GRM1: variants seen among roughly 807,000 people sequenced by gnomAD.
GRM1 encodes the protein metabotropic glutamate receptor 1.
GRM1 carries 33 observed loss-of-function variants against 90.9 expected under a neutral mutation model. The ratio of observed to expected loss-of-function variants is 0.36; its 90% CI spans 0.28 to 0.49. The LOEUF (loss-of-function observed/expected upper bound fraction) is 0.49, where lower values mean the gene tolerates loss of function less well. Among genes scored for constraint, GRM1 ranks in the 20% least tolerant of loss-of-function variants. The pLI is 0.99. For missense variants in GRM1, 1,190 were observed against 1,534.3 expected (o/e 0.78, Z 3.75); for synonymous variants, 700 against 613.2 (o/e 1.14, Z -2.09).
intron 1 of GRM1, among the ~76,000 whole-genome samples, chr6:146,039,167 T>G (rs371931156): frequency 6.6e-6 from 1 of 151,990 alleles, no homozygotes; most frequent in Non-Finnish European, 1.5e-5. Context: ...TCAGTTTTGC[T>G]AAGTGCAACC....
rs772082161 is a variant in GRM1, at chr6:146,332,957, G to A, written c.1187-19293G>A. Among the ~76,000 whole-genome samples, 203 of 152,076 alleles carry A rather than the reference G, an allele frequency of 1.3e-3. 5 individuals carry two copies. Among genetic ancestry groups the A allele is most frequent in the Non-Finnish European group, 7.6e-4 (52 of 68,012 alleles). On this transcript the variant is annotated intron_variant, in intron 3 of 7. Coordinates refer to ENST00000282753, the MANE Select transcript of GRM1 (RefSeq NM_001278064.2). ...TATCATGGATTGCCTCTTAACATGA[G>A]TACTGAGTATTTTCCCCCATCCCTG...
intron 5 of GRM1, among the ~76,000 whole-genome samples, chr6:146,384,746 G>T (rs959043402): frequency 5.3e-5 from 8 of 151,658 alleles, no homozygotes; most frequent in Non-Finnish European, 1.5e-5. Context: ...GGATAAATAC[G>T]TGCTAAAAGA....
intron 2 of GRM1, among the ~76,000 whole-genome samples, chr6:146,210,712 C>G (rs1039034351): frequency 6.6e-6 from 1 of 152,094 alleles, no homozygotes; most frequent in Admixed American, 6.5e-5. Flanking sequence ...CCAATGTTAG[C>G]AAAAGTATTT....
intron 1 of GRM1, among the ~76,000 whole-genome samples, chr6:146,142,363 C>T (rs74678069): frequency 0.039 from 6,010 of 152,264 alleles, 167 homozygotes; most frequent in Non-Finnish European, 0.061. Context: ...CTGAAGCTAG[C>T]ACAGCAGTGT....
At chr6:146,306,541 GT>G (rs1312473281) in intron 3 of GRM1, among the ~76,000 whole-genome samples, 5 of 152,104 alleles carry the variant, frequency 3.3e-5, no homozygotes, top group African/African-American at 1.2e-4. Context: ...TAATATCTTT[GT>G]AGTCAAAGCA....
rs1554260527 is a variant in GRM1 at position 146,043,796 on chromosome 6, T to TATATATATATATATATATATATATAG, written c.700+13594_700+13595insTATATATATAGATATATATATATATA. Among the ~76,000 whole-genome samples the TATATATATATATATATATATATATAG allele has an allele frequency of 1.5e-3, 204 of 137,900 alleles. 1 individual carries two copies. The highest frequency in any genetic ancestry group is 4.9e-3 in the African/African-American group (186 of 38,306). The allele number at this position is 137,900 out of a possible 152,430, so 90.5% of individuals were successfully genotyped here. A position where few individuals can be genotyped will look rare whatever the true frequency, so the allele number is the denominator to read the frequency against. On this transcript the variant is annotated intron_variant, in intron 1 of 7. Coordinates refer to ENST00000282753, the MANE Select transcript of GRM1 (RefSeq NM_001278064.2). Reference sequence around the variant, plus strand: ...AAGAGTCAGGTGATATATATATATATATATATATATATATAAAGGGAAGTG... The same window carrying TATATATATATATATATATATATATAG: ...AAGAGTCAGGTGATATATATATATATATATATATATATATATATATATATAGATATATATATATATAAAGGGAAGTG...
intron 3 of GRM1, among the ~76,000 whole-genome samples, chr6:146,306,649 A>G (rs938405513): frequency 1.3e-5 from 2 of 152,114 alleles, no homozygotes; most frequent in African/African-American, 4.8e-5. Context: ...ATTTTCATTC[A>G]GGGTAGGGAG....
intron 2 of GRM1, among the ~76,000 whole-genome samples, chr6:146,295,548 C>T (rs1426794384): frequency 1.3e-5 from 2 of 152,086 alleles, no homozygotes; most frequent in African/African-American, 4.8e-5. Flanking sequence ...TTTCTTTTAA[C>T]TATTCCATAT....
intron 7 of GRM1, chr6:146,426,756 T>C (rs1778226409): frequency 3.1e-6 from 2 of 643,548 alleles, no homozygotes; most frequent in East Asian, 5.5e-5. Flanking sequence ...GAATGAAGAA[T>C]TCATTTACGT....
At chr6:146,184,420 T>C (rs879750723) in intron 2 of GRM1, among the ~76,000 whole-genome samples, 2 of 152,134 alleles carry the variant, frequency 1.3e-5, no homozygotes, top group Non-Finnish European at 2.9e-5. Flanking sequence ...TTGTGGCTGA[T>C]AAGTTTTTTC....
At chr6:146,423,985 AC>A (rs2114667825) in intron 7 of GRM1, among the ~76,000 whole-genome samples, 1 of 152,274 alleles carries the variant, frequency 6.6e-6, no homozygotes, top group South Asian at 2.1e-4. Context: ...CCCACCAGAC[AC>A]GGCCATCCCC....
At chr6:146,414,565 G>A (rs530134394) in intron 7 of GRM1, among the ~76,000 whole-genome samples, 6 of 151,942 alleles carry the variant, frequency 3.9e-5, no homozygotes, top group Non-Finnish European at 8.8e-5. Context: ...ACCACGCCTG[G>A]CTAATTTTTT....
At chr6:146,360,893 A>G (rs1034087613) in intron 5 of GRM1, among the ~76,000 whole-genome samples, 2 of 152,216 alleles carry the variant, frequency 1.3e-5, no homozygotes, top group East Asian at 1.9e-4. Flanking sequence ...ACAAGGTGAC[A>G]TGTTATTGAG....
At chr6:146,242,864 T>C (rs1414708512) in intron 2 of GRM1, among the ~76,000 whole-genome samples, 1 of 152,182 alleles carries the variant, frequency 6.6e-6, no homozygotes, top group African/African-American at 2.4e-5. Flanking sequence ...CCATCTGAGA[T>C]ATAGAAATTG....
At chr6:146,165,847 A>G (rs1334274884) in intron 2 of GRM1, among the ~76,000 whole-genome samples, 3 of 152,140 alleles carry the variant, frequency 2.0e-5, no homozygotes, top group Non-Finnish European at 2.9e-5. Flanking sequence ...GGATTTCCAT[A>G]ACAACTGAGG....
At chr6:146,164,494 C>G (rs1345382627) in intron 2 of GRM1, among the ~76,000 whole-genome samples, 1 of 152,014 alleles carries the variant, frequency 6.6e-6, no homozygotes, top group African/African-American at 2.4e-5. Flanking sequence ...TTATGTGACC[C>G]CTGATTTCCC....
intron 1 of GRM1, among the ~76,000 whole-genome samples, chr6:146,113,501 A>G (rs1775636540): frequency 6.6e-6 from 1 of 152,238 alleles, no homozygotes; most frequent in Non-Finnish European, 1.5e-5. Context: ...TCCAGAAGAA[A>G]GTATATGTAC....
chr6:146,145,410 A>G (rs1368162064), intron 1 of GRM1, among the ~76,000 whole-genome samples: 1 of 152,198 alleles, frequency 6.6e-6, no homozygotes, highest in East Asian at 1.9e-4. Flanking sequence ...GGACAGGCCC[A>G]GGACTATCTC....
intron 2 of GRM1, among the ~76,000 whole-genome samples, chr6:146,270,937 C>A (rs1782127353): frequency 8.0e-6 from 1 of 124,232 alleles, no homozygotes; most frequent in Admixed American, 8.4e-5. Flanking sequence ...TCCTTCCTTC[C>A]TTCCTTCCTT....
Sources: allele counts gnomAD v4.1 joint callset (sites outside exome capture counted in the v4.1 genomes callset), GRCh38; gene constraint gnomAD v4.1.1; transcripts MANE v1.5; gene names NCBI Gene and HGNC (gene_info 2026-07-23, HGNC 2026-07-21).